Variants in EYS observed in about 807,000 individuals in gnomAD.
EYS encodes the protein protein eyes shut homolog.
Under a neutral mutation model 282.1 loss-of-function variants are expected in EYS, and 250 were observed. The observed-to-expected ratio is 0.89, with a 90% CI of 0.80 to 0.98. The LOEUF is 0.98. EYS is among the 50% of genes least tolerant of loss of function. EYS has a pLI of 0.00. For synonymous variants in EYS, 1,355 were observed against 1,282.9 expected (o/e 1.06, Z -1.20); for missense variants, 4,016 against 3,709.0 (o/e 1.08, Z -2.15).
intron 26 of EYS, among the ~76,000 whole-genome samples, chr6:64,572,609 C>T (rs575177780): frequency 2.6e-5 from 4 of 152,154 alleles, no homozygotes; most frequent in Non-Finnish European, 5.9e-5. Flanking sequence ...GCAAAAATCA[C>T]AAGCATTCCT....
chr6:63,855,804 C>A (rs1045989240), intron 36 of EYS, among the ~76,000 whole-genome samples: 8 of 152,136 alleles, frequency 5.3e-5, no homozygotes, highest in African/African-American at 1.9e-4. Flanking sequence ...TCTGCCCATG[C>A]AAAACTTGCA....
At chr6:64,282,691 G>T (rs1307994357) in intron 30 of EYS, among the ~76,000 whole-genome samples, 1 of 151,972 alleles carries the variant, frequency 6.6e-6, no homozygotes, top group Non-Finnish European at 1.5e-5. Flanking sequence ...GCAATTTTTT[G>T]GTAAACCATA....
intron 22 of EYS, among the ~76,000 whole-genome samples, chr6:64,703,432 T>TA (rs1351965601): frequency 2.2e-5 from 2 of 92,112 alleles, no homozygotes; most frequent in East Asian, 2.5e-4. Flanking sequence ...TATATATATT[T>TA]TTTTTTTTTT....
intron 2 of EYS, among the ~76,000 whole-genome samples, chr6:65,601,515 C>T (rs898047247): frequency 2.6e-4 from 40 of 151,712 alleles, no homozygotes; most frequent in African/African-American, 8.4e-4. Flanking sequence ...CTCAAAATAT[C>T]GATAATAAGA....
intron 12 of EYS, among the ~76,000 whole-genome samples, chr6:65,268,918 A>T (rs1767828813): frequency 6.6e-6 from 1 of 152,106 alleles, no homozygotes; most frequent in Non-Finnish European, 1.5e-5. Context: ...AATGCAGTCA[A>T]ATCAGTAAAT....
chr6:65,048,274 C>T (rs1250509938), intron 13 of EYS, among the ~76,000 whole-genome samples: 3 of 151,802 alleles, frequency 2.0e-5, no homozygotes, highest in African/African-American at 4.8e-5. Context: ...TCTGTACAGT[C>T]CCAAATATAT....
At chr6:65,263,440 T>TCACC (rs1767669981) in intron 12 of EYS, among the ~76,000 whole-genome samples, 1 of 152,054 alleles carries the variant, frequency 6.6e-6, no homozygotes, top group Non-Finnish European at 1.5e-5. Flanking sequence ...TTCAGTAAAG[T>TCACC]AATATGATAA....
At chr6:64,781,821 A>G (rs577038386) in intron 22 of EYS, among the ~76,000 whole-genome samples, 3 of 152,332 alleles carry the variant, frequency 2.0e-5, no homozygotes, top group South Asian at 4.1e-4. Flanking sequence ...GTGTGCAAAA[A>G]TAAAAATAAT....
At chr6:64,573,597 G>A (rs149119627) in intron 26 of EYS, among the ~76,000 whole-genome samples, 2,000 of 151,440 alleles carry the variant, frequency 0.013, 52 homozygotes, top group African/African-American at 0.046. Flanking sequence ...AATCAATCCC[G>A]TCAAAAAGTG....
At chr6:64,131,644 T>C (rs1320005433) in intron 31 of EYS, among the ~76,000 whole-genome samples, 1 of 152,128 alleles carries the variant, frequency 6.6e-6, no homozygotes, top group Non-Finnish European at 1.5e-5. Flanking sequence ...GGTAGTGACC[T>C]GAGCTGTGAG....
chr6:65,318,669 T>G (rs1278158032), intron 11 of EYS, among the ~76,000 whole-genome samples: 1 of 149,484 alleles, frequency 6.7e-6, no homozygotes, highest in African/African-American at 2.4e-5. Flanking sequence ...TAAGACAGAG[T>G]CTCATTCCAT....
chr6:65,191,686 T>C (rs553843060), intron 12 of EYS, among the ~76,000 whole-genome samples: 1 of 151,912 alleles, frequency 6.6e-6, no homozygotes, highest in East Asian at 1.9e-4. Context: ...GAAAATCAGC[T>C]TGTACATTAC....
At chr6:65,549,584 C>T (rs1250131178) in intron 2 of EYS, among the ~76,000 whole-genome samples, 2 of 152,162 alleles carry the variant, frequency 1.3e-5, no homozygotes, top group African/African-American at 2.4e-5. Context: ...GCCCAGTGCA[C>T]TCCCACAGGG....
intron 22 of EYS, among the ~76,000 whole-genome samples, chr6:64,740,066 A>T (rs898869858): frequency 1.3e-5 from 2 of 152,106 alleles, no homozygotes; most frequent in African/African-American, 4.8e-5. Flanking sequence ...CTAAATGGTA[A>T]TTGCTAATAA....
At chr6:64,960,610 C>T (rs1245064148) in intron 14 of EYS, among the ~76,000 whole-genome samples, 1 of 152,018 alleles carries the variant, frequency 6.6e-6, no homozygotes, top group African/African-American at 2.4e-5. Context: ...AAAATAAATC[C>T]GTGCCATCTT....
chr6:64,388,232 A>C (rs36138753), intron 29 of EYS, among the ~76,000 whole-genome samples: 4,719 of 152,208 alleles, frequency 0.031, 230 homozygotes, highest in African/African-American at 0.11. Context: ...GTGGGCTGGC[A>C]TGTGGGAAAA....
At chr6:63,788,444 A>AT (rs1770424256) in intron 38 of EYS, among the ~76,000 whole-genome samples, 195 bp from the exon 39 acceptor site, 1 of 152,208 alleles carries the variant, frequency 6.6e-6, no homozygotes, top group African/African-American at 2.4e-5. Flanking sequence ...TTAATATAGC[A>AT]GTCATGGTTT....
At chr6:64,737,219 T>G (rs558248270) in intron 22 of EYS, among the ~76,000 whole-genome samples, 4 of 152,354 alleles carry the variant, frequency 2.6e-5, no homozygotes, top group African/African-American at 7.2e-5. Flanking sequence ...AATCATAAAA[T>G]GCATTTCTTT....
chr6:65,663,861 CT>C (rs1393753538), intron 1 of EYS, among the ~76,000 whole-genome samples: 2 of 90,866 alleles, frequency 2.2e-5, no homozygotes, highest in African/African-American at 3.5e-5. Flanking sequence ...TTTGTTTTTT[CT>C]TTTCTTTTTT....
Sources: gnomAD v4.1 joint callset for allele counts (sites outside exome capture counted in the v4.1 genomes callset) on GRCh38, gnomAD v4.1.1 for gene constraint, MANE v1.5 for transcripts, NCBI Gene and HGNC (gene_info 2026-07-23, HGNC 2026-07-21) for gene names.